The following PKHD1 variants were observed in gnomAD, a reference collection of about 807,000 sequenced individuals.
PKHD1 encodes the protein PKHD1 ciliary IPT domain containing fibrocystin/polyductin.
PKHD1 carries 291 observed loss-of-function variants against 412.0 expected under a neutral mutation model. The observed-to-expected ratio is 0.71, with a 90% confidence interval of 0.64 to 0.78. The LOEUF is 0.78. PKHD1 is among the 30% of genes least tolerant of loss of function. The pLI, the probability that PKHD1 is intolerant of heterozygous loss-of-function variation, is 0.00. For synonymous variants in PKHD1, 1,777 were observed against 1,821.5 expected, an observed-to-expected ratio of 0.98 and a Z score of 0.62; for missense variants, 4,825 against 4,950.7, an observed-to-expected ratio of 0.97 and a Z score of 0.76.
chr6:51,995,322 G>T (rs193116464), intron 35 of PKHD1, among the ~76,000 whole-genome samples: 1 of 152,238 alleles, frequency 6.6e-6, no homozygotes, highest in East Asian at 1.9e-4. Context: ...AATTTATAAA[G>T]CCTCTAACAG....
At chr6:51,865,874 A>G (rs1470133517) in intron 48 of PKHD1, among the ~76,000 whole-genome samples, 1 of 152,190 alleles carries the variant, frequency 6.6e-6, no homozygotes. Flanking sequence ...ATGCTTTGGG[A>G]CAAAGATCAA....
chr6:51,900,465 C>T (rs1272344233), intron 43 of PKHD1, among the ~76,000 whole-genome samples: 3 of 152,144 alleles, frequency 2.0e-5, no homozygotes, highest in African/African-American at 4.8e-5. Context: ...ATTGGCTAGC[C>T]ATATGTAGAA....
rs1346814128 is a variant in PKHD1 at position 51,748,574 on chromosome 6, C to G, written c.9042G>C (p.Trp3014Cys). Residue 3014 changes from tryptophan to cysteine, a missense_variant, in exon 58 of 67, where the codon TGG becomes TGC. Trp to Cys is a radical substitution (Grantham distance 215). Transcript: ENST00000371117. ...TCTGGTGCAGAGTAGATGATATGATCCAGGATCCTGCTGACACATTACTGA... is the reference window on the plus strand; with the variant it reads ...TCTGGTGCAGAGTAGATGATATGATGCAGGATCCTGCTGACACATTACTGA... ...VEFSNVSAGSWIISSTLHQSC... is the reference protein window; with the variant it reads ...VEFSNVSAGSCIISSTLHQSC... The G allele has an allele frequency of 6.2e-7, 1 of 1,613,564 alleles. No homozygotes were observed. The highest frequency in any genetic ancestry group is 1.1e-5 in the South Asian group (1 of 91,036).
chr6:51,850,991 C>T (rs956222125), intron 49 of PKHD1, among the ~76,000 whole-genome samples: 3 of 152,168 alleles, frequency 2.0e-5, no homozygotes, highest in Non-Finnish European at 4.4e-5. Context: ...AAAGGGAATG[C>T]TTCTAGCTTT....
chr6:52,043,768 T>C (rs1020408362), intron 25 of PKHD1, 38 bp from the exon 26 acceptor site: 3 of 1,384,152 alleles, frequency 2.2e-6, no homozygotes, highest in Non-Finnish European at 3.1e-6. Flanking sequence ...TTTTATGCAT[T>C]TCATATCTAC....
chr6:52,058,200 AT>A (rs2128211742), intron 16 of PKHD1, 122 bp downstream of exon 16: 1 of 864,700 alleles, frequency 1.2e-6, no homozygotes, highest in East Asian at 2.4e-5. Flanking sequence ...GAGATATCCT[AT>A]TTCTTTGACA....
chr6:51,651,823 G>A (rs1771025434), intron 61 of PKHD1, among the ~76,000 whole-genome samples: 1 of 152,102 alleles, frequency 6.6e-6, no homozygotes, highest in Non-Finnish European at 1.5e-5. Context: ...GTGCTAGAAG[G>A]GATGGAGGGA....
chr6:52,084,672 C>G (rs930936476), intron 2 of PKHD1, among the ~76,000 whole-genome samples: 1 of 152,124 alleles, frequency 6.6e-6, no homozygotes, highest in African/African-American at 2.4e-5. Context: ...AAAATAAAAA[C>G]AATTATTCAA....
intron 60 of PKHD1, among the ~76,000 whole-genome samples, chr6:51,725,240 G>T (rs1056005036): frequency 1.3e-5 from 2 of 152,204 alleles, no homozygotes; most frequent in Non-Finnish European, 2.9e-5. Flanking sequence ...GTGGGACCAT[G>T]TAAAACCTAC....
chr6:52,042,957 C>A lies in PKHD1; in HGVS notation c.2999G>T (p.Arg1000Ile). The A allele has an allele frequency of 6.2e-7, 1 of 1,613,966 alleles. No individual in the cohort carries two copies. Among genetic ancestry groups the A allele is most frequent in the Admixed American group, 1.7e-5 (1 of 60,008 alleles). Residue 1000 changes from arginine to isoleucine, a missense_variant, in exon 27 of 67, where the codon AGA becomes ATA. Physicochemically the swap from Arg to Ile is moderately conservative, Grantham distance 97. Transcript: ENST00000371117. The stretch of plus-strand genomic sequence containing the variant: ...GGCACTGATGGCAAGACCAGAGGGT[C>A]TCACCAACATCAAGATCCGATGCAT... ...VGMHRILMLV[R>I]PSGLAISATG...
intron 36 of PKHD1, among the ~76,000 whole-genome samples, chr6:51,941,046 C>G (rs1456695195): frequency 4.0e-5 from 6 of 150,974 alleles, no homozygotes; most frequent in Admixed American, 1.3e-4. Flanking sequence ...TCGCATCCTC[C>G]TCTTGTATCC....
chr6:52,076,123 G>A (rs1391154893), intron 6 of PKHD1, among the ~76,000 whole-genome samples, 153 bp downstream of exon 6: 6 of 152,120 alleles, frequency 3.9e-5, no homozygotes, highest in African/African-American at 9.7e-5. Flanking sequence ...ACCAAAGCAC[G>A]TTAAAAATGA....
intron 46 of PKHD1, among the ~76,000 whole-genome samples, chr6:51,877,798 A>C: frequency 1.1e-4 from 1 of 8,896 alleles, no homozygotes; most frequent in Non-Finnish European, 1.6e-4. Flanking sequence ...GACACAAAAA[A>C]CCCTTCAAAA....
At chr6:51,889,018 T>A (rs979439467) in intron 43 of PKHD1, among the ~76,000 whole-genome samples, 3 of 152,002 alleles carry the variant, frequency 2.0e-5, no homozygotes, top group Non-Finnish European at 2.9e-5. Context: ...GATGCCCATG[T>A]CTACCTGGAG....
intron 60 of PKHD1, among the ~76,000 whole-genome samples, chr6:51,666,084 A>G (rs992923874): frequency 6.6e-6 from 1 of 152,130 alleles, no homozygotes; most frequent in Non-Finnish European, 1.5e-5. Flanking sequence ...GACTGAGAAG[A>G]TGGTATAAAA....
At chr6:51,957,337 A>G (rs898067242) in intron 36 of PKHD1, among the ~76,000 whole-genome samples, 1 of 152,112 alleles carries the variant, frequency 6.6e-6, no homozygotes, top group Non-Finnish European at 1.5e-5. Flanking sequence ...GATGTTCTGC[A>G]GGGTACTTCT....
chr6:52,074,863 G>A (rs997943859), intron 6 of PKHD1, among the ~76,000 whole-genome samples: 2 of 152,176 alleles, frequency 1.3e-5, no homozygotes, highest in African/African-American at 2.4e-5. Context: ...GCCCAGGGGG[G>A]ACCACTCCAA....
chr6:51,896,343 T>A (rs1362804455), intron 43 of PKHD1, among the ~76,000 whole-genome samples: 1 of 152,064 alleles, frequency 6.6e-6, no homozygotes, highest in East Asian at 1.9e-4. Context: ...CCTCCTCAAG[T>A]GGGTCCCTGA....
chr6:51,835,301 G>A (rs1769005702), intron 51 of PKHD1, among the ~76,000 whole-genome samples: 1 of 152,062 alleles, frequency 6.6e-6, no homozygotes, highest in Non-Finnish European at 1.5e-5. Context: ...TTCCCCAACA[G>A]GTGTGTCCTC....
Sources: allele counts gnomAD v4.1 joint callset (sites outside exome capture counted in the v4.1 genomes callset), GRCh38; gene constraint gnomAD v4.1.1; transcripts MANE v1.5; gene names NCBI Gene and HGNC (gene_info 2026-07-23, HGNC 2026-07-21).